The following ELN variants were observed in gnomAD, a reference collection of about 807,000 sequenced individuals.
ELN encodes elastin.
In ELN, 65 loss-of-function variants were observed where a neutral mutation model predicts 105.8. The ratio of observed to expected loss-of-function variants is 0.61; its 90% CI spans 0.50 to 0.75. The LOEUF is 0.75. Ranked by LOEUF, ELN falls within the 30% of genes least tolerant of loss-of-function variation. The pLI is 0.00. For synonymous variants in ELN, 368 were observed against 389.2 expected, an observed-to-expected ratio of 0.95 and a Z score of 0.64; for missense variants, 882 against 969.4, an observed-to-expected ratio of 0.91 and a Z score of 1.20.
intron 4 of ELN, among the ~76,000 whole-genome samples, chr7:74,040,831 G>A (rs1421227090): frequency 3.3e-5 from 5 of 152,142 alleles, no homozygotes; most frequent in African/African-American, 9.7e-5. Flanking sequence ...AAGGGGAGGG[G>A]ACTGAGTCAA....
chr7:74,039,544 G>A (rs1790716120), intron 4 of ELN, among the ~76,000 whole-genome samples: 1 of 152,222 alleles, frequency 6.6e-6, no homozygotes, highest in African/African-American at 2.4e-5. Flanking sequence ...TGGGTGGCCT[G>A]GCAGCTGCTT....
chr7:74,046,051 C>A, intron 10 of ELN, 137 bp from the exon 11 acceptor site: 1 of 1,242,056 alleles, frequency 8.1e-7, no homozygotes, highest in East Asian at 2.3e-5. Flanking sequence ...AAAGAAACCC[C>A]AGAGTTCATG....
At chr7:74,054,177 C>T (rs1477361659) in intron 18 of ELN, among the ~76,000 whole-genome samples, 4 of 151,998 alleles carry the variant, frequency 2.6e-5, no homozygotes, top group African/African-American at 7.3e-5. Context: ...CAAGGATAGA[C>T]AAATGGACAG....
In ELN at chr7:74,063,536, C is replaced by T; in HGVS notation, c.1919-85C>T. 1.9e-6 allele frequency: 3 copies of T among 1,612,016 alleles called. No homozygotes were observed. Among genetic ancestry groups the T allele is most frequent in the African/African-American group, 1.3e-5 (1 of 75,014 alleles). ...AGACCTCAGGCTCCACCTGTGTCCC[C>T]AGAGGACACCTCCGCCCTCCACAGG... is the stretch of plus-strand genomic sequence containing the variant. On this transcript the variant is annotated intron_variant, in intron 28 of 32. Transcript: ENST00000252034. This position sits in a 1 kb window ranked among gnomAD's most constrained non-coding sequence, Gnocchi z 4.1.
chr7:74,068,944 C>G lies in ELN; in HGVS notation c.*244C>G. 1.8e-6 allele frequency: 1 copy of G among 568,798 alleles called. No individual in the cohort carries two copies. Among genetic ancestry groups the G allele is most frequent in the Non-Finnish European group, 3.2e-6 (1 of 315,638 alleles). The allele number at this position is 568,798 out of a possible 1,614,324, so 35.2% of individuals were successfully genotyped here. A position where few individuals can be genotyped will look rare whatever the true frequency, so the allele number is the denominator to read the frequency against. ...ATGTGGTCCTGGCCCCCCACCCCAT[C>G]CCTTCCCACCTAGGAGCTCCCCCTC... is the stretch of plus-strand genomic sequence containing the variant. On this transcript the variant is annotated 3_prime_UTR_variant, in exon 33 of 33. Coordinates refer to ENST00000252034, the MANE Select transcript of ELN (RefSeq NM_000501.4).
chr7:74,068,394 C>T (rs1018030766), intron 32 of ELN, among the ~76,000 whole-genome samples: 1 of 152,212 alleles, frequency 6.6e-6, no homozygotes, highest in East Asian at 1.9e-4. Context: ...TGCCAGGCCC[C>T]GTCCTTCCCC....
At chr7:74,042,265 C>CA (rs35110641) in intron 5 of ELN, among the ~76,000 whole-genome samples, 45,842 of 144,536 alleles carry the variant, frequency 0.32, 7,898 homozygotes, top group Middle Eastern at 0.43. Flanking sequence ...ACAAAAAATA[C>CA]AAAAAAAAAA....
intron 1 of ELN, among the ~76,000 whole-genome samples, chr7:74,032,067 A>G (rs58411014): frequency 0.11 from 17,226 of 152,016 alleles, 1,356 homozygotes; most frequent in East Asian, 0.21. Flanking sequence ...TGATTTTCCC[A>G]TCATGGGAGG....
chr7:74,042,799 A>G (rs1791542209), intron 6 of ELN, 93 bp downstream of exon 6: 1 of 1,550,434 alleles, frequency 6.4e-7, no homozygotes, highest in South Asian at 1.1e-5. Flanking sequence ...CAGGCTTGGG[A>G]GCCGGGTGGG....
chr7:74,067,671 G>A lies in ELN; in HGVS notation c.2131+895G>A, dbSNP rs545655792. ...GAGAATGGTGTGAACCCGGGAGGCG[G>A]AGCATGGTGTGAACCCGGGAGGCGG... On this transcript the variant is annotated intron_variant, in intron 32 of 32. Coordinates refer to ENST00000252034, the MANE Select transcript of ELN (RefSeq NM_000501.4). Among the ~76,000 whole-genome samples the A allele has an allele frequency of 1.2e-3, 181 of 151,390 alleles. 1 individual carries two copies. The highest frequency in any genetic ancestry group is 2.8e-4 in the Non-Finnish European group (19 of 67,852).
At chr7:74,059,229 G>A (rs1349140430) in intron 22 of ELN, among the ~76,000 whole-genome samples, 1 of 152,148 alleles carries the variant, frequency 6.6e-6, no homozygotes, top group Admixed American at 6.6e-5. Context: ...GGAAACTGAG[G>A]TTCCCAGAGC....
intron 11 of ELN, 111 bp downstream of exon 11, chr7:74,046,328 C>T (rs1792517484): frequency 6.8e-7 from 1 of 1,477,328 alleles, no homozygotes. Context: ...TTCTCCCACG[C>T]CTGCAGAGCC....
At chr7:74,049,830 A>G (rs1173928097) in intron 15 of ELN, among the ~76,000 whole-genome samples, 2 of 148,088 alleles carry the variant, frequency 1.4e-5, no homozygotes, top group African/African-American at 2.5e-5. Context: ...GCATCCATCT[A>G]TCCATCCATC....
intron 1 of ELN, 121 bp from the exon 2 acceptor site, chr7:74,035,243 T>C: frequency 1.1e-6 from 1 of 935,770 alleles, no homozygotes; most frequent in Non-Finnish European, 1.7e-6. Context: ...ATCAGCATTA[T>C]TCTTGTTTCC....
At chr7:74,065,381 G>A (rs935348865) in intron 29 of ELN, among the ~76,000 whole-genome samples, 5 of 151,858 alleles carry the variant, frequency 3.3e-5, no homozygotes, top group African/African-American at 4.8e-5. Context: ...TTGGGAGGCC[G>A]AGGCAGGTGG....
In ELN at chr7:74,045,223, A is replaced by T; in HGVS notation, c.471A>T (p.Gly157=). 3 of 1,614,030 alleles carry T rather than the reference A, an allele frequency of 1.9e-6. No individual in the cohort carries two copies. The highest frequency in any genetic ancestry group is 2.5e-6 in the Non-Finnish European group (3 of 1,180,020). ...PGVYPGGVLP[G]ARFPGVGVLP... The stretch of plus-strand genomic sequence containing the variant: ...ACTCACTGCTTTGTCCCCCGGCAGG[A>T]GCTCGGTTCCCCGGTGTGGGGGTGC... Residue 157 remains glycine, a splice_region_variant and synonymous_variant, in exon 10 of 33, where the codon GGA becomes GGT. Transcript: ENST00000252034.
chr7:74,036,156 G>A (rs1337703556), intron 2 of ELN, among the ~76,000 whole-genome samples: 25 of 151,838 alleles, frequency 1.6e-4, no homozygotes, highest in African/African-American at 6.1e-4. Flanking sequence ...CAGGTGTGGT[G>A]GCGAGAGCCT....
In ELN at chr7:74,042,688, T is replaced by C; in HGVS notation, c.307T>C (p.Tyr103His). The change falls in exon 6 of 33, where the codon TAT becomes CAT. Residue 103 changes from tyrosine to histidine, a missense_variant. Coordinates refer to ENST00000252034, the MANE Select transcript of ELN (RefSeq NM_000501.4). The part of the protein sequence containing the change: ...PGGVADAAAA[Y>H]KAAKAGAGLG... ...TGGAGTGGCTGACGCTGCTGCAGCC[T>C]ATAAAGCTGCTAAGGCTGGTGAGTG... is the stretch of plus-strand genomic sequence containing the variant. 6.2e-7 allele frequency: 1 copy of C among 1,613,286 alleles called. No individual in the cohort carries two copies. Among genetic ancestry groups the C allele is most frequent in the Non-Finnish European group, 8.5e-7 (1 of 1,180,010 alleles).
At chr7:74,033,812 G>A (rs1789261381) in intron 1 of ELN, among the ~76,000 whole-genome samples, 1 of 152,224 alleles carries the variant, frequency 6.6e-6, no homozygotes, top group Admixed American at 6.5e-5. Flanking sequence ...ATGCCCCACG[G>A]GGCTCCCGGC....
Sources: gnomAD v4.1 joint callset for allele counts (sites outside exome capture counted in the v4.1 genomes callset) on GRCh38, gnomAD v4.1.1 for gene constraint, Gnocchi (gnomAD v3.1) non-coding constraint, MANE v1.5 for transcripts, NCBI Gene and HGNC (gene_info 2026-07-23, HGNC 2026-07-21) for gene names.